The following GPC5 variants were observed in gnomAD, a reference collection of about 807,000 sequenced individuals.
GPC5 encodes glypican-5.
A neutral mutation model predicts 53.9 loss-of-function variants in GPC5; 47 were observed. The ratio of observed to expected loss-of-function variants is 0.87; its 90% confidence interval spans 0.69 to 1.11. GPC5 has a LOEUF of 1.11. Ranked by LOEUF, GPC5 falls within the 50% of genes most tolerant of loss-of-function variation. The pLI, the probability that GPC5 is intolerant of heterozygous loss-of-function variation, is 0.00. For synonymous variants in GPC5, 286 were observed against 263.3 expected, an observed-to-expected ratio of 1.09 and a Z score of -0.84; for missense variants, 748 against 713.1, an observed-to-expected ratio of 1.05 and a Z score of -0.56.
chr13:92,461,128 A>G (rs1014236415), intron 7 of GPC5, among the ~76,000 whole-genome samples: 10 of 152,172 alleles, frequency 6.6e-5, no homozygotes, highest in Non-Finnish European at 2.9e-5. Context: ...TAAACTTTCT[A>G]TTTGGTGAAA....
At chr13:92,781,557 A>G (rs937236094) in intron 7 of GPC5, among the ~76,000 whole-genome samples, 1 of 152,178 alleles carries the variant, frequency 6.6e-6, no homozygotes, top group African/African-American at 2.4e-5. Flanking sequence ...TCTAGTTCAT[A>G]TATATAAACA....
At chr13:92,592,124 A>G (rs1174436451) in intron 7 of GPC5, among the ~76,000 whole-genome samples, 2 of 152,242 alleles carry the variant, frequency 1.3e-5, no homozygotes, top group Non-Finnish European at 2.9e-5. Context: ...TAAAGACCAT[A>G]TTCCACCATT....
intron 7 of GPC5, among the ~76,000 whole-genome samples, chr13:92,858,517 A>G (rs1879079625): frequency 6.6e-6 from 1 of 152,206 alleles, no homozygotes; most frequent in African/African-American, 2.4e-5. Flanking sequence ...AGCAACATGG[A>G]TGCAGCTGGA....
chr13:91,499,080 T>C (rs1594171264), intron 2 of GPC5, among the ~76,000 whole-genome samples: 1 of 151,580 alleles, frequency 6.6e-6, no homozygotes, highest in South Asian at 2.1e-4. Context: ...CTAGGATGAG[T>C]TGGATGAGTT....
chr13:92,246,613 A>G (rs1408876122), intron 7 of GPC5, among the ~76,000 whole-genome samples: 1 of 152,160 alleles, frequency 6.6e-6, no homozygotes, highest in African/African-American at 2.4e-5. Context: ...AAAACAACTA[A>G]TACTTAGCTG....
At chr13:92,171,712 CTG>C (rs1373744552) in intron 7 of GPC5, among the ~76,000 whole-genome samples, 21 of 152,166 alleles carry the variant, frequency 1.4e-4, no homozygotes, top group African/African-American at 4.8e-4. Flanking sequence ...ACTTCTCACT[CTG>C]TATTTTTCCT....
intron 2 of GPC5, among the ~76,000 whole-genome samples, chr13:91,467,745 A>G (rs1176840448): frequency 6.6e-6 from 1 of 152,186 alleles, no homozygotes; most frequent in Non-Finnish European, 1.5e-5. Flanking sequence ...ATTAAGAGGA[A>G]TTAATTTTTG....
chr13:91,889,946 G>T (rs1047700976), intron 5 of GPC5, among the ~76,000 whole-genome samples: 5 of 152,152 alleles, frequency 3.3e-5, no homozygotes, highest in African/African-American at 1.2e-4. Context: ...CAAACAGAGA[G>T]AAATTCTCTA....
intron 7 of GPC5, among the ~76,000 whole-genome samples, chr13:92,799,201 T>C (rs762652505): frequency 6.6e-6 from 1 of 151,828 alleles, no homozygotes; most frequent in Non-Finnish European, 1.5e-5. Context: ...GCCTTATGGT[T>C]AATTTCACAT....
chr13:92,763,338 G>A (rs1875265749), intron 7 of GPC5, among the ~76,000 whole-genome samples: 1 of 151,290 alleles, frequency 6.6e-6, no homozygotes, highest in Non-Finnish European at 1.5e-5. Context: ...AGTAGATGAA[G>A]GGGTACAGCT....
At chr13:92,182,313 C>T (rs2042152618) in intron 7 of GPC5, among the ~76,000 whole-genome samples, 1 of 152,150 alleles carries the variant, frequency 6.6e-6, no homozygotes. Flanking sequence ...GAAAAACTGA[C>T]TTTATCAGTA....
intron 7 of GPC5, among the ~76,000 whole-genome samples, chr13:92,519,954 C>A (rs1368392076): frequency 6.6e-6 from 1 of 152,070 alleles, no homozygotes. Context: ...GATATCACCA[C>A]CGATCCCACA....
intron 5 of GPC5, among the ~76,000 whole-genome samples, chr13:91,862,953 TC>T (rs1420845760): frequency 6.6e-6 from 1 of 151,750 alleles, no homozygotes; most frequent in Non-Finnish European, 1.5e-5. Context: ...TGCTTCTCCT[TC>T]CTTTCCTCCT....
At chr13:91,512,515 A>G (rs1009829451) in intron 2 of GPC5, among the ~76,000 whole-genome samples, 12 of 152,052 alleles carry the variant, frequency 7.9e-5, no homozygotes, top group African/African-American at 2.4e-4. Context: ...CCTGCTCCTG[A>G]TTTGTACTGG....
At chr13:91,558,607 G>C (rs1020425035) in intron 2 of GPC5, among the ~76,000 whole-genome samples, 4 of 152,124 alleles carry the variant, frequency 2.6e-5, no homozygotes, top group Non-Finnish European at 5.9e-5. Context: ...GACATCCAGT[G>C]ACACTCATCC....
At position 91,504,895 on chromosome 13, in the gene GPC5, G is replaced by C. The variant is rs565515141; in HGVS notation, c.325+55973G>C. The stretch of plus-strand genomic sequence containing the variant: ...CTTGAGGTAAGGAGTTGAGGCTGCA[G>C]TGAGCTATGACTTTGTCACTGCACT... On this transcript the variant is annotated intron_variant, in intron 2 of 7. Coordinates refer to ENST00000377067, the MANE Select transcript of GPC5 (RefSeq NM_004466.6). Among the ~76,000 whole-genome samples the C allele has an allele frequency of 2.0e-5, 3 of 152,280 alleles. No homozygotes were observed. The South Asian group carries it at 6.2e-4, about 32-fold the overall frequency.
At chr13:91,685,662 G>A (rs1473590082) in intron 2 of GPC5, among the ~76,000 whole-genome samples, 1 of 152,042 alleles carries the variant, frequency 6.6e-6, no homozygotes, top group South Asian at 2.1e-4. Context: ...AACTTGTATG[G>A]CTTATTCAGT....
At chr13:91,532,770 G>A (rs897333778) in intron 2 of GPC5, among the ~76,000 whole-genome samples, 59 of 152,078 alleles carry the variant, frequency 3.9e-4, no homozygotes, top group Non-Finnish European at 2.1e-4. Context: ...GGAGGCTGAC[G>A]TGGGAGGATC....
At chr13:92,535,732 A>T (rs1482108494) in intron 7 of GPC5, among the ~76,000 whole-genome samples, 2 of 151,842 alleles carry the variant, frequency 1.3e-5, no homozygotes, top group African/African-American at 2.4e-5. Flanking sequence ...CTTTGCCAAT[A>T]ACTTACTTTG....
Sources: allele counts gnomAD v4.1 joint callset (sites outside exome capture counted in the v4.1 genomes callset), GRCh38; gene constraint gnomAD v4.1.1; transcripts MANE v1.5; gene names NCBI Gene and HGNC (gene_info 2026-07-23, HGNC 2026-07-21).